Variants in IRAK3 observed in about 807,000 individuals in gnomAD.
IRAK3 encodes the protein interleukin-1 receptor-associated kinase 3.
In IRAK3, 57 loss-of-function variants were observed where a neutral mutation model predicts 56.6. The observed-to-expected ratio is 1.01, with a 90% CI of 0.81 to 1.26. The LOEUF is 1.26. Among genes scored for constraint, IRAK3 ranks in the 50% most tolerant of loss-of-function variants. IRAK3 has a pLI of 0.00. For missense variants in IRAK3, 703 were observed against 719.0 expected (o/e 0.98, Z 0.25); for synonymous variants, 258 against 255.7 (o/e 1.01, Z -0.09).
At chr12:66,243,310 C>A (rs1471437570) in intron 8 of IRAK3, among the ~76,000 whole-genome samples, 1 of 152,186 alleles carries the variant, frequency 6.6e-6, no homozygotes, top group Non-Finnish European at 1.5e-5. Context: ...ACTTCTGGAG[C>A]TTTTGTAAGA....
intron 1 of IRAK3, chr12:66,196,905 T>A: frequency 6.5e-7 from 1 of 1,527,956 alleles, no homozygotes; most frequent in Non-Finnish European, 8.7e-7. Flanking sequence ...TTTGTGAGAA[T>A]GGAGTCTTAA....
rs1349033468 is a variant in IRAK3 at position 66,249,677 on chromosome 12, A to G, written c.*1506A>G. On this transcript the variant is annotated 3_prime_UTR_variant, in exon 12 of 12. Transcript: ENST00000261233. ...AGAGGCCACCTGCCTTCTTTGGCTC[A>G]TGGCCTCTTCCTCCGTCTTCAAAGC... is the stretch of plus-strand genomic sequence containing the variant. 6.6e-6 allele frequency: 1 copy of G among 152,632 alleles called. No individual in the cohort carries two copies. The highest frequency in any genetic ancestry group is 1.5e-5 in the Non-Finnish European group (1 of 68,060). 9.5% of individuals were successfully genotyped at this position (152,632 alleles called of 1,614,324 possible).
rs1323411199 is a variant in IRAK3, at chr12:66,209,601, G to C, written c.381+81G>C. The C allele has an allele frequency of 5.5e-6, 5 of 902,904 alleles. No individual in the cohort carries two copies. The Admixed American group carries it at 6.8e-5, about 12-fold the overall frequency. The allele number at this position is 902,904 out of a possible 1,614,324, so 55.9% of individuals were successfully genotyped here. ...GCATAAGGAATGAAATTAGCAGGCA[G>C]AAAAATGCTGGATTTGCCGGCACTT... On this transcript the variant is annotated intron_variant, in intron 3 of 11. Coordinates refer to ENST00000261233, the MANE Select transcript of IRAK3 (RefSeq NM_007199.3).
intron 1 of IRAK3, among the ~76,000 whole-genome samples, chr12:66,191,693 C>G (rs563879308): frequency 1.3e-5 from 2 of 152,050 alleles, no homozygotes; most frequent in Non-Finnish European, 2.9e-5. Context: ...CTAAACATGC[C>G]GAGTTTTCCT....
intron 6 of IRAK3, 114 bp from the exon 7 acceptor site, chr12:66,226,609 A>G: frequency 1.4e-6 from 1 of 717,786 alleles, no homozygotes; most frequent in South Asian, 1.5e-5. Context: ...GGCTGAATTT[A>G]TATTCCGCTT....
intron 8 of IRAK3, among the ~76,000 whole-genome samples, chr12:66,243,386 A>T (rs570364712): frequency 1.7e-4 from 26 of 152,338 alleles, no homozygotes; most frequent in African/African-American, 6.0e-4. Context: ...CACTTTTAGT[A>T]ACAGCATGTC....
chr12:66,222,905 A>G (rs1000579389), intron 6 of IRAK3, among the ~76,000 whole-genome samples: 4 of 152,130 alleles, frequency 2.6e-5, no homozygotes, highest in African/African-American at 9.7e-5. Context: ...CTTTTTAATC[A>G]CCTGGGTGCA....
At position 66,197,913 on chromosome 12, in the gene IRAK3, C is replaced by CAA. The variant is rs138350038; in HGVS notation, c.134-5789_134-5788dup. 9.5e-5 allele frequency: 83 copies of CAA among 877,316 alleles called. No homozygotes were observed. In the African/African-American group the frequency reaches 1.5e-3, roughly 15 times the overall value. 54.3% of individuals were successfully genotyped at this position (877,316 alleles called of 1,614,324 possible). ...ACTTTTAAAAGGGAAATTCAGGAAT[C>CAA]AAAAAAAAAACAAACAGAGAATGGA... On this transcript the variant is annotated intron_variant, in intron 1 of 11. Transcript: ENST00000261233.
Position 66,253,637 on chromosome 12 carries a change from C to A in IRAK3, c.*5466C>A, listed in dbSNP as rs2053123817. On this transcript the variant is annotated 3_prime_UTR_variant, in exon 12 of 12. Coordinates refer to ENST00000261233, the MANE Select transcript of IRAK3 (RefSeq NM_007199.3). ...TAATATTTACAGAGTTTTACATTGG[C>A]TCTTGAATTTTAAAATATTCTTATA... 1 of 152,264 alleles carries A rather than the reference C, an allele frequency of 6.6e-6. No homozygotes were observed. The allele number at this position is 152,264 out of a possible 1,614,324, so 9.4% of individuals were successfully genotyped here.
At chr12:66,192,019 G>A (rs2052404672) in intron 1 of IRAK3, among the ~76,000 whole-genome samples, 1 of 152,176 alleles carries the variant, frequency 6.6e-6, no homozygotes, top group Non-Finnish European at 1.5e-5. Context: ...AATCACCTAT[G>A]CAGTCTTTTA....
At chr12:66,234,396 G>C in intron 8 of IRAK3, 1 of 1,611,410 alleles carries the variant, frequency 6.2e-7, no homozygotes, top group Non-Finnish European at 8.5e-7. Context: ...CTTTGCACCT[G>C]GTAGGCAGAT....
intron 1 of IRAK3, chr12:66,196,970 G>C: frequency 1.3e-6 from 2 of 1,534,806 alleles, no homozygotes; most frequent in East Asian, 2.4e-5. Context: ...TCCAAATACG[G>C]ATGTGTTGCA....
intron 8 of IRAK3, among the ~76,000 whole-genome samples, chr12:66,233,449 C>A (rs2052865783): frequency 6.6e-6 from 1 of 150,624 alleles, no homozygotes; most frequent in Non-Finnish European, 1.5e-5. Flanking sequence ...ACCCGGGAGG[C>A]GGAGCTTGCA....
chr12:66,209,658 T>C, intron 3 of IRAK3, 138 bp downstream of exon 3: 1 of 694,886 alleles, frequency 1.4e-6, no homozygotes, highest in Non-Finnish European at 2.6e-6. Context: ...TGTTCTCTCA[T>C]TATTCTCTAT....
rs753809696 is a variant in IRAK3, at chr12:66,226,845, C to G, written c.768+8C>G. 3 of 1,444,900 alleles carry G rather than the reference C, an allele frequency of 2.1e-6. No individual in the cohort carries two copies. The Admixed American group carries it at 5.0e-5, about 24-fold the overall frequency. The allele number at this position is 1,444,900 out of a possible 1,614,324, so 89.5% of individuals were successfully genotyped here. ...GACAGATTGCAGTGTGTAGTAAGTT[C>G]TATCTATTATTCTGTCTGATCCTCT... On this transcript the variant is annotated splice_region_variant and intron_variant, in intron 7 of 11. Transcript: ENST00000261233.
chr12:66,240,804 C>CTA (rs1449441720), intron 8 of IRAK3, among the ~76,000 whole-genome samples: 23 of 148,606 alleles, frequency 1.5e-4, no homozygotes, highest in African/African-American at 5.4e-4. Flanking sequence ...CATATATATA[C>CTA]TATATATATA....
chr12:66,235,191 C>T, intron 8 of IRAK3: 1 of 1,613,352 alleles, frequency 6.2e-7, no homozygotes, highest in Non-Finnish European at 8.5e-7. Flanking sequence ...CTGGGAGGGG[C>T]CATGGGGTGG....
chr12:66,224,036 T>A (rs2052762222), intron 6 of IRAK3, among the ~76,000 whole-genome samples: 1 of 152,180 alleles, frequency 6.6e-6, no homozygotes, highest in South Asian at 2.1e-4. Context: ...TTTAATGCAA[T>A]TTTAATAACT....
At chr12:66,247,261 C>G (rs1055401056) in intron 11 of IRAK3, among the ~76,000 whole-genome samples, 1 of 67,882 alleles carries the variant, frequency 1.5e-5, no homozygotes, top group Non-Finnish European at 3.0e-5. Context: ...CAGAGTGAGA[C>G]TCCATCTCAA....
Sources: allele counts gnomAD v4.1 joint callset (sites outside exome capture counted in the v4.1 genomes callset), GRCh38; gene constraint gnomAD v4.1.1; transcripts MANE v1.5; gene names NCBI Gene and HGNC (gene_info 2026-07-23, HGNC 2026-07-21).